The following CNTN4 variants were observed in gnomAD, a reference collection of about 807,000 sequenced individuals.
CNTN4 encodes the protein contactin 4.
Under a neutral mutation model 122.5 loss-of-function variants are expected in CNTN4, and 77 were observed. The ratio of observed to expected loss-of-function variants is 0.63; its 90% CI spans 0.52 to 0.76. CNTN4 has a LOEUF of 0.76. Ranked by LOEUF, CNTN4 falls within the 30% of genes least tolerant of loss-of-function variation. CNTN4 has a pLI of 0.00. For missense variants in CNTN4, 1,256 were observed against 1,259.1 expected, an observed-to-expected ratio of 1.00 and a Z score of 0.04; for synonymous variants, 512 against 447.0, an observed-to-expected ratio of 1.15 and a Z score of -1.83.
chr3:2,961,360 T>G (rs1372530584), intron 13 of CNTN4, among the ~76,000 whole-genome samples: 1 of 151,964 alleles, frequency 6.6e-6, no homozygotes, highest in Non-Finnish European at 1.5e-5. Flanking sequence ...TCTTGTTATT[T>G]TAAGCAACTG....
At chr3:2,752,551 G>C (rs2090145938) in intron 6 of CNTN4, among the ~76,000 whole-genome samples, 1 of 152,030 alleles carries the variant, frequency 6.6e-6, no homozygotes, top group South Asian at 2.1e-4. Flanking sequence ...TTTTTATAGA[G>C]ACAGGGTTTC....
At chr3:2,297,842 C>T (rs1371194797) in intron 2 of CNTN4, among the ~76,000 whole-genome samples, 1 of 152,126 alleles carries the variant, frequency 6.6e-6, no homozygotes, top group East Asian at 1.9e-4. Flanking sequence ...GCAGTCCTCC[C>T]ATCTCAGCCT....
chr3:2,284,946 TG>T (rs1302821614), intron 2 of CNTN4, among the ~76,000 whole-genome samples: 2 of 151,982 alleles, frequency 1.3e-5, no homozygotes, highest in Admixed American at 6.6e-5. Flanking sequence ...CTTCATCAGT[TG>T]TTATCTTAGG....
intron 2 of CNTN4, among the ~76,000 whole-genome samples, chr3:2,180,526 T>G (rs1274295032): frequency 6.6e-6 from 1 of 152,026 alleles, no homozygotes; most frequent in Non-Finnish European, 1.5e-5. Flanking sequence ...TTTACTTCCC[T>G]GAATACTGTG....
Position 2,294,288 on chromosome 3 carries a change from C to CTTTTTTTTTTTTT in CNTN4, c.-144-44887_-144-44875dup, listed in dbSNP as rs71058604. ...CAAAGGAAAGGCAGAAGAGTTGTGA[C>CTTTTTTTTTTTTT]TTTTTTTTTTTTTTTACTGAATACC... On this transcript the variant is annotated intron_variant, in intron 2 of 24. Coordinates refer to ENST00000418658, the MANE Select transcript of CNTN4 (RefSeq NM_175607.3). 1.5e-3 allele frequency among the ~76,000 whole-genome samples: 198 copies of CTTTTTTTTTTTTT among 135,576 alleles called. 6 individuals carry two copies. The highest frequency in any genetic ancestry group is 5.1e-3 in the African/African-American group (188 of 36,840). The allele number at this position is 135,576 out of a possible 152,430, so 88.9% of individuals were successfully genotyped here. A position where few individuals can be genotyped will look rare whatever the true frequency, so the allele number is the denominator to read the frequency against.
rs546287426 is a variant in CNTN4, at chr3:3,047,010, A to C, written c.2811+3306A>C. On this transcript the variant is annotated intron_variant, in intron 23 of 24. Coordinates refer to ENST00000418658, the MANE Select transcript of CNTN4 (RefSeq NM_175607.3). ...TGATAAAACAGACTTTAAACCAACA[A>C]AGATCAAAAGAGACAAAGAAGGCCA... 4.2e-3 allele frequency among the ~76,000 whole-genome samples: 618 copies of C among 147,986 alleles called. 11 individuals are homozygous for C. Among genetic ancestry groups the C allele is most frequent in the African/African-American group, 0.015 (593 of 39,684 alleles).
chr3:2,434,776 C>A (rs910089636), intron 3 of CNTN4, among the ~76,000 whole-genome samples: 1 of 152,038 alleles, frequency 6.6e-6, no homozygotes, highest in Non-Finnish European at 1.5e-5. Flanking sequence ...GACCTATCAT[C>A]CATTTCTTCC....
intron 4 of CNTN4, among the ~76,000 whole-genome samples, chr3:2,615,168 A>C (rs2081660228): frequency 6.6e-6 from 1 of 152,208 alleles, no homozygotes; most frequent in Non-Finnish European, 1.5e-5. Context: ...TCATAAATCA[A>C]ACAAGGACAC....
chr3:2,375,076 C>A (rs1431659573), intron 3 of CNTN4, among the ~76,000 whole-genome samples: 1 of 152,150 alleles, frequency 6.6e-6, no homozygotes, highest in Admixed American at 6.5e-5. Context: ...TTGTAAAAAT[C>A]TGCTTCAGTC....
intron 3 of CNTN4, among the ~76,000 whole-genome samples, chr3:2,558,076 G>T (rs1211621166): frequency 6.6e-6 from 1 of 152,146 alleles, no homozygotes; most frequent in Non-Finnish European, 1.5e-5. Flanking sequence ...TAAAAACTCT[G>T]ATTTTCAAGC....
intron 4 of CNTN4, among the ~76,000 whole-genome samples, chr3:2,605,080 C>T (rs995418913): frequency 3.3e-5 from 5 of 152,144 alleles, no homozygotes; most frequent in Non-Finnish European, 5.9e-5. Flanking sequence ...CATCATAGTT[C>T]ACGGCAGCCT....
intron 3 of CNTN4, among the ~76,000 whole-genome samples, chr3:2,446,983 A>C: frequency 6.6e-6 from 1 of 152,242 alleles, no homozygotes; most frequent in Non-Finnish European, 1.5e-5. Context: ...GGGGAAGAAC[A>C]ACATGAACGG....
At chr3:2,786,006 C>G (rs184750498) in intron 6 of CNTN4, among the ~76,000 whole-genome samples, 1 of 150,570 alleles carries the variant, frequency 6.6e-6, no homozygotes, top group Non-Finnish European at 1.5e-5. Flanking sequence ...AGGTGAAGAA[C>G]CAGCTGGGCA....
intron 3 of CNTN4, among the ~76,000 whole-genome samples, chr3:2,382,921 A>C (rs1056811738): frequency 3.3e-5 from 5 of 152,136 alleles, no homozygotes; most frequent in Non-Finnish European, 5.9e-5. Context: ...CTAAAAATAC[A>C]AAAATTAGCT....
At chr3:2,325,971 A>G (rs1404734537) in intron 2 of CNTN4, among the ~76,000 whole-genome samples, 2 of 152,218 alleles carry the variant, frequency 1.3e-5, no homozygotes, top group Non-Finnish European at 2.9e-5. Context: ...TGAAAAGAAT[A>G]AATATTTCTT....
At chr3:2,107,672 C>T (rs1024150444) in intron 2 of CNTN4, among the ~76,000 whole-genome samples, 1 of 151,932 alleles carries the variant, frequency 6.6e-6, no homozygotes, top group South Asian at 2.1e-4. Context: ...CATAAATTAC[C>T]CTTTGACGTA....
chr3:2,257,048 G>C (rs1005314458), intron 2 of CNTN4, among the ~76,000 whole-genome samples: 3 of 151,282 alleles, frequency 2.0e-5, no homozygotes, highest in Admixed American at 6.6e-5. Context: ...ATACGACAAG[G>C]CTACAGTAAC....
rs1276749391 is a variant in CNTN4, at chr3:2,781,746, A to G, written c.358+36049A>G. On this transcript the variant is annotated intron_variant, in intron 6 of 24. Coordinates refer to ENST00000418658, the MANE Select transcript of CNTN4 (RefSeq NM_175607.3). ...TTTTTTTTTTTTTTTTTTTTTTGAG[A>G]CGGAGTGTCGCTCTGTCGCCCAGGC... Among the ~76,000 whole-genome samples, 271 of 102,680 alleles carry G rather than the reference A, an allele frequency of 2.6e-3. 3 individuals carry two copies. The highest frequency in any genetic ancestry group is 0.011 in the African/African-American group (247 of 21,944). 67.4% of individuals were successfully genotyped at this position (102,680 alleles called of 152,430 possible).
intron 4 of CNTN4, among the ~76,000 whole-genome samples, chr3:2,641,144 G>A (rs958023100): frequency 1.3e-5 from 2 of 151,916 alleles, no homozygotes; most frequent in African/African-American, 2.4e-5. Context: ...TTTTAAAAAA[G>A]AAATGCACCA....
Sources: allele counts gnomAD v4.1 joint callset (sites outside exome capture counted in the v4.1 genomes callset), GRCh38; gene constraint gnomAD v4.1.1; transcripts MANE v1.5; gene names NCBI Gene and HGNC (gene_info 2026-07-23, HGNC 2026-07-21).